The following OSBPL9 variants were observed in gnomAD, a reference collection of about 807,000 sequenced individuals.
OSBPL9 encodes the protein oxysterol-binding protein-related protein 9.
In OSBPL9, 40 loss-of-function variants were observed where a neutral mutation model predicts 106.6. That is an observed-to-expected ratio of 0.38 (90% CI 0.29 to 0.49). The LOEUF is 0.49. Among genes scored for constraint, OSBPL9 ranks in the 20% least tolerant of loss-of-function variants. The pLI is 0.97. For missense variants in OSBPL9, 609 were observed against 887.2 expected (o/e 0.69, Z 3.98); for synonymous variants, 269 against 295.4 (o/e 0.91, Z 0.92).
intron 1 of OSBPL9, among the ~76,000 whole-genome samples, chr1:51,641,177 C>G (rs1413021238): frequency 6.6e-6 from 1 of 152,076 alleles, no homozygotes; most frequent in Non-Finnish European, 1.5e-5. Flanking sequence ...AAGAAATGGA[C>G]CAAGCAGGCA....
intron 4 of OSBPL9, among the ~76,000 whole-genome samples, chr1:51,720,481 A>C (rs1661884880): frequency 6.6e-6 from 1 of 151,882 alleles, no homozygotes; most frequent in African/African-American, 2.4e-5. Flanking sequence ...GTGCACCACG[A>C]CGCCCAGCTG....
rs571037727 is a variant in OSBPL9 at position 51,709,184 on chromosome 1, T to A, written c.242-4819T>A. The A allele has an allele frequency of 4.9e-3, 856 of 173,238 alleles. 5 individuals carry two copies. Among genetic ancestry groups the A allele is most frequent in the Non-Finnish European group, 8.3e-3 (660 of 79,204 alleles). 10.7% of individuals were successfully genotyped at this position (173,238 alleles called of 1,614,324 possible). A position where few individuals can be genotyped will look rare whatever the true frequency, so the allele number is the denominator to read the frequency against. On this transcript the variant is annotated intron_variant, in intron 3 of 23. Transcript: ENST00000428468. ...TCAAGGCACTGCTGCAGGTGCAACA[T>A]GCCAGTAAGCAGATTGTGGCGACAC...
intron 2 of OSBPL9, among the ~76,000 whole-genome samples, chr1:51,602,145 C>T (rs111840066): frequency 4.6e-5 from 7 of 151,298 alleles, no homozygotes; most frequent in Non-Finnish European, 8.8e-5. Context: ...CTCAGCCTCC[C>T]GAGTAGCTGG....
intron 8 of OSBPL9, among the ~76,000 whole-genome samples, chr1:51,751,991 G>A (rs1479605363): frequency 6.6e-6 from 1 of 152,096 alleles, no homozygotes. Context: ...GTCTTCTTAT[G>A]TACAAATACA....
intron 1 of OSBPL9, among the ~76,000 whole-genome samples, chr1:51,586,414 T>G (rs1007720492): frequency 2.0e-5 from 3 of 152,140 alleles, no homozygotes; most frequent in African/African-American, 4.8e-5. Context: ...TTCCCAAACA[T>G]TCTATGGATA....
At chr1:51,674,371 C>T (rs1049790383) in intron 3 of OSBPL9, among the ~76,000 whole-genome samples, 37 of 152,108 alleles carry the variant, frequency 2.4e-4, no homozygotes, top group African/African-American at 8.2e-4. Context: ...TGGGCCCAAG[C>T]AATCCTCCTG....
At chr1:51,622,612 GCTGTTGT>G (rs1215415626) in intron 1 of OSBPL9, among the ~76,000 whole-genome samples, 1 of 152,168 alleles carries the variant, frequency 6.6e-6, no homozygotes, top group African/African-American at 2.4e-5. Flanking sequence ...GACTCACATG[GCTGTTGT>G]CAGAAAGTGG....
intron 1 of OSBPL9, among the ~76,000 whole-genome samples, chr1:51,597,013 T>G: frequency 1.3e-5 from 2 of 151,196 alleles, no homozygotes; most frequent in African/African-American, 4.9e-5. Context: ...GTCAGGGAGG[T>G]CCTCCTTGAG....
the OSBPL9 span, among the ~76,000 whole-genome samples, chr1:51,546,513 C>T: frequency 1.2e-4 from 18 of 151,690 alleles, no homozygotes; most frequent in African/African-American, 3.1e-4. Flanking sequence ...CTGGCTAACA[C>T]GGTGAAAACC....
chr1:51,630,221 GT>G (rs890652692), intron 1 of OSBPL9, among the ~76,000 whole-genome samples: 9 of 152,104 alleles, frequency 5.9e-5, no homozygotes, highest in Non-Finnish European at 1.0e-4. Context: ...GAAGACAATT[GT>G]GGTTTTTTTG....
At chr1:51,521,472 A>G in the OSBPL9 span, among the ~76,000 whole-genome samples, 1 of 152,242 alleles carries the variant, frequency 6.6e-6, no homozygotes, top group Non-Finnish European at 1.5e-5. Context: ...TAAGAATCAG[A>G]GTGTGACCGC....
At chr1:51,709,272 C>T in intron 3 of OSBPL9, 1 of 215,740 alleles carries the variant, frequency 4.6e-6, no homozygotes, top group South Asian at 8.0e-5. Flanking sequence ...GGCACTTGTC[C>T]TTCTGGAGGG....
At chr1:51,584,475 A>AC (rs1645236891) in intron 1 of OSBPL9, among the ~76,000 whole-genome samples, 1 of 142,426 alleles carries the variant, frequency 7.0e-6, no homozygotes, top group African/African-American at 3.0e-5. Context: ...TTGGGAGGCC[A>AC]AGCTGAGGCA....
intron 2 of OSBPL9, among the ~76,000 whole-genome samples, chr1:51,664,865 A>G (rs1394951577): frequency 6.6e-6 from 1 of 152,218 alleles, no homozygotes; most frequent in Admixed American, 6.5e-5. Context: ...TATATGTTAC[A>G]TTTCAATGTA....
chr1:51,740,734 C>A (rs1040387113), intron 4 of OSBPL9, among the ~76,000 whole-genome samples: 3 of 152,086 alleles, frequency 2.0e-5, no homozygotes, highest in African/African-American at 7.2e-5. Flanking sequence ...TTTCTTTTTA[C>A]AATGTTATTA....
At chr1:51,629,846 G>A (rs1645002182) in intron 1 of OSBPL9, among the ~76,000 whole-genome samples, 1 of 152,062 alleles carries the variant, frequency 6.6e-6, no homozygotes, top group African/African-American at 2.4e-5. Flanking sequence ...CTACTTGGGA[G>A]GCTGAGGCAG....
chr1:51,645,383 G>A (rs1000533265), intron 1 of OSBPL9, among the ~76,000 whole-genome samples: 3 of 151,860 alleles, frequency 2.0e-5, no homozygotes, highest in Non-Finnish European at 2.9e-5. Flanking sequence ...ATATATTCTC[G>A]ATACTATACC....
the OSBPL9 span, among the ~76,000 whole-genome samples, chr1:51,550,034 C>T: frequency 1.3e-5 from 2 of 152,120 alleles, no homozygotes; most frequent in Non-Finnish European, 2.9e-5. Context: ...GTATAAACTT[C>T]GAAACCAGAC....
intron 7 of OSBPL9, among the ~76,000 whole-genome samples, chr1:51,748,946 G>A (rs950292966): frequency 2.6e-5 from 4 of 152,068 alleles, no homozygotes; most frequent in Non-Finnish European, 4.4e-5. Flanking sequence ...TTATCCAGGC[G>A]TGGTGGCTTA....
Sources: allele counts gnomAD v4.1 joint callset (sites outside exome capture counted in the v4.1 genomes callset), GRCh38; gene constraint gnomAD v4.1.1; transcripts MANE v1.5; gene names NCBI Gene and HGNC (gene_info 2026-07-23, HGNC 2026-07-21).